The following HGSNAT variants were observed in gnomAD, a reference collection of about 807,000 sequenced individuals.
HGSNAT encodes transmembrane protein 76.
A neutral mutation model predicts 85.2 loss-of-function variants in HGSNAT; 59 were observed. That is an observed-to-expected ratio of 0.69 (90% CI 0.56 to 0.86). The LOEUF (loss-of-function observed/expected upper bound fraction) is 0.86. Among genes scored for constraint, HGSNAT ranks in the 40% least tolerant of loss-of-function variants. The probability of loss-of-function intolerance (pLI) is 0.00; values close to 1 mark genes in which losing one functional copy is unlikely to be tolerated. For synonymous variants in HGSNAT, 321 were observed against 304.5 expected (o/e 1.05, Z -0.56); for missense variants, 756 against 777.1 (o/e 0.97, Z 0.32).
intron 4 of HGSNAT, among the ~76,000 whole-genome samples, chr8:43,159,604 T>C (rs973195714): frequency 6.6e-6 from 1 of 152,166 alleles, no homozygotes; most frequent in African/African-American, 2.4e-5. Context: ...AATTATATGA[T>C]ATATCAATAC....
chr8:43,198,820 A>G (rs1354925155), intron 17 of HGSNAT, among the ~76,000 whole-genome samples: 2 of 152,242 alleles, frequency 1.3e-5, no homozygotes, highest in Non-Finnish European at 2.9e-5. Context: ...CCTAGAAAAT[A>G]TAAGTTATTA....
At position 43,175,557 on chromosome 8, in the gene HGSNAT, CTTTTT is replaced by C. The variant is rs572939859; in HGVS notation, c.851+1835_851+1839del. The stretch of plus-strand genomic sequence containing the variant: ...AATGTCTGTTCAGATCTTTTGTCCT[CTTTTT>C]TTTTTTTTTTTTTTTTTTTTCAAGA... On this transcript the variant is annotated intron_variant, in intron 9 of 17. Transcript: ENST00000379644. Among the ~76,000 whole-genome samples, 525 of 63,158 alleles carry C rather than the reference CTTTTT, an allele frequency of 8.3e-3. 8 individuals are homozygous for C. The highest frequency in any genetic ancestry group is 0.032 in the African/African-American group (504 of 15,836). 41.4% of individuals were successfully genotyped at this position (63,158 alleles called of 152,430 possible). A position where few individuals can be genotyped will look rare whatever the true frequency, so the allele number is the denominator to read the frequency against.
intron 14 of HGSNAT, chr8:43,196,517 G>T (rs1297989015): frequency 3.9e-6 from 5 of 1,290,230 alleles, no homozygotes; most frequent in African/African-American, 1.5e-5. Flanking sequence ...CTGCCTGGAA[G>T]TAAGAGCCAC....
At chr8:43,183,557 G>A (rs1217353662) in intron 11 of HGSNAT, among the ~76,000 whole-genome samples, 5 of 150,334 alleles carry the variant, frequency 3.3e-5, no homozygotes, top group African/African-American at 7.4e-5. Context: ...TGCAAACTCC[G>A]CCTCCTGGGT....
In HGSNAT at chr8:43,191,349, A is replaced by T; in HGVS notation, c.1129-125A>T. The T allele has an allele frequency of 3.5e-6, 4 of 1,138,060 alleles. No individual in the cohort carries two copies. The South Asian group carries it at 5.9e-5, about 17-fold the overall frequency. The allele number at this position is 1,138,060 out of a possible 1,614,324, so 70.5% of individuals were successfully genotyped here. On this transcript the variant is annotated intron_variant, in intron 11 of 17. Transcript: ENST00000379644. ...ATCTGGAGAACCTAACGTAGTCAGTAAGTTTTTGTATTACTGCCAAAAAGG... is the reference window on the plus strand; with the variant it reads ...ATCTGGAGAACCTAACGTAGTCAGTTAGTTTTTGTATTACTGCCAAAAAGG...
At chr8:43,141,538 G>A (rs2130654966) in intron 1 of HGSNAT, among the ~76,000 whole-genome samples, 1 of 152,274 alleles carries the variant, frequency 6.6e-6, no homozygotes, top group East Asian at 1.9e-4. Context: ...CTCCCAGAGG[G>A]GTCGGGCAAG....
At chr8:43,160,317 C>T (rs1232453274) in intron 4 of HGSNAT, among the ~76,000 whole-genome samples, 1 of 152,164 alleles carries the variant, frequency 6.6e-6, no homozygotes, top group Non-Finnish European at 1.5e-5. Context: ...GGATATGTCG[C>T]AACCCTTAAT....
In HGSNAT at chr8:43,196,988, A is replaced by T; in HGVS notation, c.1505A>T (p.Asp502Val). Reference protein sequence around the residue: ...ILLYYKARTKDILIRFTAWCC... With the variant: ...ILLYYKARTKVILIRFTAWCC... ...TTGTATTACAAGGCTCGGACCAAAGACATCCTGATTCGATTCACTGCTTGG... is the reference window on the plus strand; with the variant it reads ...TTGTATTACAAGGCTCGGACCAAAGTCATCCTGATTCGATTCACTGCTTGG... The change falls in exon 15 of 18, where the codon GAC becomes GTC. Residue 502 changes from aspartate to valine, a missense_variant. Asp to Val is a radical substitution (Grantham distance 152). Coordinates refer to ENST00000379644, the MANE Select transcript of HGSNAT (RefSeq NM_152419.3). The T allele has an allele frequency of 1.2e-6, 2 of 1,612,678 alleles. No individual in the cohort carries two copies. Among genetic ancestry groups the T allele is most frequent in the Non-Finnish European group, 1.7e-6 (2 of 1,178,748 alleles).
Position 43,172,311 on chromosome 8 carries a change from A to T in HGSNAT, c.745A>T (p.Ile249Phe). 6.2e-7 allele frequency: 1 copy of T among 1,609,296 alleles called. No homozygotes were observed. Among genetic ancestry groups the T allele is most frequent in the South Asian group, 1.1e-5 (1 of 91,000 alleles). ...CTTCTCTTTGTTGGCTTCTTCTAGG[A>T]TTGCTCTTATACTCATGGTCTTTGT... Reference protein sequence around the residue: ...RLRSVDTFRGIALILMVFVNY... With the variant: ...RLRSVDTFRGFALILMVFVNY... Residue 249 changes from isoleucine to phenylalanine, a missense_variant and splice_region_variant, in exon 8 of 18, where the codon ATT (isoleucine) becomes TTT (phenylalanine). Transcript: ENST00000379644.
rs1351984612 is a variant in HGSNAT, at chr8:43,173,723, G to T, written c.831G>T (p.Val277=). The T allele has an allele frequency of 1.2e-6, 2 of 1,613,076 alleles. No homozygotes were observed. The highest frequency in any genetic ancestry group is 1.1e-5 in the South Asian group (1 of 90,832). ...FKHASWNGLT[V]ADLVFPWFVF... is the part of the protein sequence containing the mutation. ...GTACTTGTTCTGCAGGGCTGACAGT[G>T]GCTGACCTCGTGTTCCCGTGGTGAG... is the stretch of plus-strand genomic sequence containing the variant. Residue 277 remains valine (V), a synonymous_variant, in exon 9 of 18, where the codon GTG becomes GTT. Coordinates refer to ENST00000379644, the MANE Select transcript of HGSNAT (RefSeq NM_152419.3).
intron 9 of HGSNAT, chr8:43,174,013 C>T (rs1803724918): frequency 7.9e-6 from 2 of 251,784 alleles, no homozygotes; most frequent in Non-Finnish European, 7.8e-6. Context: ...GTCAGGAGTT[C>T]AAGACCAGCC....
At chr8:43,190,883 C>A (rs1394220658) in intron 11 of HGSNAT, among the ~76,000 whole-genome samples, 1 of 152,188 alleles carries the variant, frequency 6.6e-6, no homozygotes, top group Non-Finnish European at 1.5e-5. Flanking sequence ...CCACGAAGAA[C>A]CCTGCACTAA....
intron 11 of HGSNAT, among the ~76,000 whole-genome samples, chr8:43,188,722 G>A (rs1586747307): frequency 6.6e-6 from 1 of 152,194 alleles, no homozygotes; most frequent in Admixed American, 6.5e-5. Flanking sequence ...AGGAGAAGAG[G>A]CGCTCTGATT....
intron 11 of HGSNAT, among the ~76,000 whole-genome samples, chr8:43,186,259 A>T (rs1804305285): frequency 6.6e-6 from 1 of 152,182 alleles, no homozygotes; most frequent in Non-Finnish European, 1.5e-5. Flanking sequence ...TTGTGAATCC[A>T]TCTGGTGCTG....
chr8:43,194,502 A>T (rs372658645), intron 14 of HGSNAT: 1 of 985,388 alleles, frequency 1.0e-6, no homozygotes, highest in Non-Finnish European at 1.2e-6. Flanking sequence ...ATGTACACTC[A>T]TATTAGTCTG....
At chr8:43,144,179 G>A (rs1440160904) in intron 1 of HGSNAT, among the ~76,000 whole-genome samples, 2 of 151,820 alleles carry the variant, frequency 1.3e-5, no homozygotes, top group African/African-American at 4.8e-5. Flanking sequence ...AAAAAAATTA[G>A]CTGGATGTGC....
chr8:43,157,036 T>C (rs1180541818), intron 2 of HGSNAT, among the ~76,000 whole-genome samples: 1 of 152,182 alleles, frequency 6.6e-6, no homozygotes, highest in East Asian at 1.9e-4. Context: ...CAAGCCAGAT[T>C]AGTATGGCTA....
At chr8:43,147,792 C>T (rs904562945) in intron 2 of HGSNAT, among the ~76,000 whole-genome samples, 2 of 152,128 alleles carry the variant, frequency 1.3e-5, no homozygotes, top group African/African-American at 2.4e-5. Flanking sequence ...GGTACTAGAG[C>T]TGAGTAGTAC....
intron 2 of HGSNAT, among the ~76,000 whole-genome samples, chr8:43,148,909 A>T (rs1372926605): frequency 6.6e-6 from 1 of 151,782 alleles, no homozygotes; most frequent in Non-Finnish European, 1.5e-5. Context: ...TGAGGTCAGG[A>T]GTTTGAGACC....
Sources: gnomAD v4.1 joint callset for allele counts (sites outside exome capture counted in the v4.1 genomes callset) on GRCh38, gnomAD v4.1.1 for gene constraint, MANE v1.5 for transcripts, NCBI Gene and HGNC (gene_info 2026-07-23, HGNC 2026-07-21) for gene names.